The following CREB5 variants were observed in gnomAD, a reference collection of about 807,000 sequenced individuals.
CREB5 encodes the protein cyclic AMP-responsive element-binding protein 5.
Under a neutral mutation model 57.1 loss-of-function variants are expected in CREB5, and 19 were observed. That is an observed-to-expected ratio of 0.33 (90% CI 0.23 to 0.49). The LOEUF (loss-of-function observed/expected upper bound fraction) is 0.49, where lower values mean the gene tolerates loss of function less well. CREB5 is among the 20% of genes least tolerant of loss of function. The pLI is 0.99. For synonymous variants in CREB5, 238 were observed against 238.3 expected, an observed-to-expected ratio of 1.00 and a Z score of 0.01; for missense variants, 579 against 671.6, an observed-to-expected ratio of 0.86 and a Z score of 1.52.
chr7:28,336,551 T>C (rs879544179), intron 1 of CREB5, among the ~76,000 whole-genome samples: 1 of 152,104 alleles, frequency 6.6e-6, no homozygotes, highest in Non-Finnish European at 1.5e-5. Flanking sequence ...GTCTCCTTTT[T>C]CATGTCTGAT....
chr7:28,330,070 C>T (rs940560659), intron 1 of CREB5, among the ~76,000 whole-genome samples: 15 of 152,214 alleles, frequency 9.9e-5, no homozygotes, highest in African/African-American at 3.1e-4. Flanking sequence ...CCCTGAAGGG[C>T]GAGCGTGGCC....
Position 28,804,507 on chromosome 7 carries a change from C to A in CREB5, c.1011C>A (p.Thr337=). 3 of 1,613,938 alleles carry A rather than the reference C, an allele frequency of 1.9e-6. No individual in the cohort carries two copies. The highest frequency in any genetic ancestry group is 2.2e-5 in the South Asian group (2 of 91,068). ...HQTSPHPPLH[T]GNQAQVSPAT... Reference sequence around the variant, plus strand: ...CCTCGCCACATCCGCCCCTGCACACCGGCAACCAAGCACAGGTAGACCTTT... The same window carrying A: ...CCTCGCCACATCCGCCCCTGCACACAGGCAACCAAGCACAGGTAGACCTTT... Residue 337 remains threonine (T), a synonymous_variant, in exon 8 of 11, where the codon ACC becomes ACA. Transcript: ENST00000357727.
chr7:28,394,068 CTCAAAAAAAAAAA>C (rs1376655661), intron 1 of CREB5, among the ~76,000 whole-genome samples: 5 of 26,152 alleles, frequency 1.9e-4, no homozygotes, highest in African/African-American at 1.1e-3. Flanking sequence ...AAGACTCTGT[CTCAAAAAAAAAAA>C]AAAAAAAAAA....
chr7:28,739,172 A>C (rs1452520138), intron 7 of CREB5, among the ~76,000 whole-genome samples: 1 of 152,262 alleles, frequency 6.6e-6, no homozygotes, highest in Admixed American at 6.5e-5. Flanking sequence ...GTGCTCTTCA[A>C]TACAGTAGCC....
rs755947543 is a variant in CREB5, at chr7:28,809,362, T to C, written c.1202T>C (p.Met401Thr). The change falls in exon 9 of 11, where the codon ATG becomes ACG. Residue 401 changes from methionine to threonine, a missense_variant. Transcript: ENST00000357727. ...AGACAGAAGAGGAAGGTCTGGGTGA[T>C]GTCATTGGAAAAGAAAGCAGAAGAA... ...RCRQKRKVWV[M>T]SLEKKAEELT... The C allele has an allele frequency of 1.2e-6, 2 of 1,614,064 alleles. No homozygotes were observed. Among genetic ancestry groups the C allele is most frequent in the Non-Finnish European group, 1.7e-6 (2 of 1,179,990 alleles).
chr7:28,792,333 TA>T (rs1193894986), intron 7 of CREB5, among the ~76,000 whole-genome samples: 1 of 149,020 alleles, frequency 6.7e-6, no homozygotes, highest in Non-Finnish European at 1.5e-5. Flanking sequence ...ATAAGTGTCA[TA>T]TCACATGGAA....
At chr7:28,574,403 C>T (rs574365804) in intron 5 of CREB5, among the ~76,000 whole-genome samples, 3 of 152,332 alleles carry the variant, frequency 2.0e-5, no homozygotes, top group South Asian at 2.1e-4. Flanking sequence ...GAAGTTAACA[C>T]ACTCTCTCTG....
chr7:28,464,314 C>T (rs894018990), intron 1 of CREB5, among the ~76,000 whole-genome samples: 3 of 151,852 alleles, frequency 2.0e-5, no homozygotes, highest in African/African-American at 7.3e-5. Flanking sequence ...CTTGTGATAT[C>T]CTTGTCTTGT....
intron 1 of CREB5, among the ~76,000 whole-genome samples, chr7:28,403,859 G>A (rs144975304): frequency 3.3e-5 from 5 of 152,006 alleles, no homozygotes; most frequent in Non-Finnish European, 4.4e-5. Flanking sequence ...ACTTGTCATG[G>A]TATGTTTTAT....
At chr7:28,623,201 G>C (rs188516778) in intron 5 of CREB5, among the ~76,000 whole-genome samples, 6 of 152,260 alleles carry the variant, frequency 3.9e-5, no homozygotes, top group Admixed American at 3.9e-4. Context: ...TTCTTTATAG[G>C]AGGATGCATG....
At chr7:28,446,121 G>A (rs1789453664) in intron 1 of CREB5, among the ~76,000 whole-genome samples, 1 of 152,034 alleles carries the variant, frequency 6.6e-6, no homozygotes, top group African/African-American at 2.4e-5. Context: ...GCAGACCATC[G>A]TCCCCTCCCA....
At chr7:28,442,068 C>T (rs907591335) in intron 1 of CREB5, among the ~76,000 whole-genome samples, 4 of 152,102 alleles carry the variant, frequency 2.6e-5, no homozygotes, top group African/African-American at 9.7e-5. Flanking sequence ...TGTTAACCCA[C>T]CTCTCCCACT....
chr7:28,560,975 T>TGCGC lies in CREB5; in HGVS notation c.292-9389_292-9388insCGCG, dbSNP rs1270769785. 8.5e-5 allele frequency among the ~76,000 whole-genome samples: 2 copies of TGCGC among 23,406 alleles called. 1 individual carries two copies. The highest frequency in any genetic ancestry group is 1.9e-4 in the African/African-American group (2 of 10,640). The allele number at this position is 23,406 out of a possible 152,430, so 15.4% of individuals were successfully genotyped here. A position where few individuals can be genotyped will look rare whatever the true frequency, so the allele number is the denominator to read the frequency against. On this transcript the variant is annotated intron_variant, in intron 4 of 10. Transcript: ENST00000357727. ...GCGTGTGTGTGCGTGTGTGTGTGCG[T>TGCGC]GTGTGCGTGCGTGTGTGTGCCTGCG...
At position 28,579,810 on chromosome 7, in the gene CREB5, C is replaced by T. The variant is rs552579499; in HGVS notation, c.464+9273C>T. On this transcript the variant is annotated intron_variant, in intron 5 of 10. Coordinates refer to ENST00000357727, the MANE Select transcript of CREB5 (RefSeq NM_182898.4). ...ACCTGGAAGAGCAAATACCCATCCC[C>T]GAATCACTGAGCCATTGAACACTTG... Among the ~76,000 whole-genome samples, 267 of 152,230 alleles carry T rather than the reference C, an allele frequency of 1.8e-3. 1 individual carries two copies. Among genetic ancestry groups the T allele is most frequent in the African/African-American group, 6.0e-3 (248 of 41,530 alleles).
chr7:28,451,548 C>A lies in CREB5; in HGVS notation c.4-36627C>A, dbSNP rs899507788. On this transcript the variant is annotated intron_variant, in intron 1 of 10. Coordinates refer to ENST00000357727, the MANE Select transcript of CREB5 (RefSeq NM_182898.4). ...CCTGGAAAATTATTCTTGAGTGAAG[C>A]TGGTTTGTGAGGTTGTAGCTTACAA... Among the ~76,000 whole-genome samples, 3 of 150,646 alleles carry A rather than the reference C, an allele frequency of 2.0e-5. No individual in the cohort carries two copies. In the East Asian group the frequency reaches 5.8e-4, roughly 29 times the overall value.
chr7:28,697,015 ATATT>A (rs1241748450), intron 5 of CREB5, among the ~76,000 whole-genome samples: 6 of 152,116 alleles, frequency 3.9e-5, no homozygotes, highest in African/African-American at 9.6e-5. Context: ...ACATGTGTAT[ATATT>A]TATATACACA....
chr7:28,524,563 C>T (rs1477868824), intron 4 of CREB5, among the ~76,000 whole-genome samples: 1 of 152,054 alleles, frequency 6.6e-6, no homozygotes, highest in South Asian at 2.1e-4. Flanking sequence ...GATAAAAATA[C>T]CTAATAACAT....
intron 1 of CREB5, among the ~76,000 whole-genome samples, chr7:28,339,622 C>T (rs1267453941): frequency 6.6e-6 from 1 of 152,168 alleles, no homozygotes; most frequent in African/African-American, 2.4e-5. Flanking sequence ...CAAAGGTCCA[C>T]TGTACCACTG....
In CREB5 at chr7:28,488,189, C is replaced by G. The variant is rs749556782; in HGVS notation, c.18C>G (p.Ser6=). 3 of 1,613,752 alleles carry G rather than the reference C, an allele frequency of 1.9e-6. No homozygotes were observed. The highest frequency in any genetic ancestry group is 2.2e-5 in the East Asian group (1 of 44,862). Residue 6 remains serine (S), a synonymous_variant, in exon 2 of 11, where the codon TCC becomes TCG. Transcript: ENST00000357727. ...TGATCCTTCAGATTTATGAGGAATC[C>G]AAGATGAATTTGGAGCAGGAGAGGC... MIYEE[S]KMNLEQERPF...
Sources: allele counts gnomAD v4.1 joint callset (sites outside exome capture counted in the v4.1 genomes callset), GRCh38; gene constraint gnomAD v4.1.1; transcripts MANE v1.5; gene names NCBI Gene and HGNC (gene_info 2026-07-23, HGNC 2026-07-21).